Variants in DENND1A observed in about 807,000 individuals in gnomAD.
DENND1A encodes the protein DENN domain containing 1A, also known as DENN domain-containing protein 1A.
DENND1A carries 51 observed loss-of-function variants against 113.7 expected under a neutral mutation model. The ratio of observed to expected loss-of-function variants is 0.45; its 90% CI spans 0.36 to 0.57. DENND1A has a LOEUF of 0.57. Among genes scored for constraint, DENND1A ranks in the 20% least tolerant of loss-of-function variants. The pLI is 0.00. For synonymous variants in DENND1A, 565 were observed against 570.8 expected, an observed-to-expected ratio of 0.99 and a Z score of 0.14; for missense variants, 1,258 against 1,395.9, an observed-to-expected ratio of 0.90 and a Z score of 1.57.
At chr9:123,707,123 G>A (rs1220959822) in intron 5 of DENND1A, among the ~76,000 whole-genome samples, 1 of 152,130 alleles carries the variant, frequency 6.6e-6, no homozygotes, top group Non-Finnish European at 1.5e-5. Context: ...GGCCGGGCGC[G>A]GTGGCTCACG....
At chr9:123,661,826 T>C (rs1036346194) in intron 8 of DENND1A, among the ~76,000 whole-genome samples, 1 of 151,964 alleles carries the variant, frequency 6.6e-6, no homozygotes, top group African/African-American at 2.4e-5. Flanking sequence ...GATGGAAAGA[T>C]TTGCTGAAGA....
intron 12 of DENND1A, among the ~76,000 whole-genome samples, chr9:123,580,219 A>G (rs984936970): frequency 6.6e-6 from 1 of 152,176 alleles, no homozygotes; most frequent in African/African-American, 2.4e-5. Flanking sequence ...AAGAGGGAAA[A>G]TAACTCACCC....
intron 1 of DENND1A, among the ~76,000 whole-genome samples, chr9:123,891,909 C>A (rs574372217): frequency 6.6e-6 from 1 of 152,242 alleles, no homozygotes; most frequent in Non-Finnish European, 1.5e-5. Flanking sequence ...CCCTCTGATG[C>A]CCCAGCTCAC....
chr9:123,382,714 G>A (rs561185306), intron 23 of DENND1A, 89 bp from the exon 24 acceptor site: 44 of 1,373,068 alleles, frequency 3.2e-5, no homozygotes, highest in South Asian at 1.9e-4. Flanking sequence ...TGTGCTGAAT[G>A]TGTGCTGGGC....
intron 3 of DENND1A, among the ~76,000 whole-genome samples, chr9:123,774,477 G>C (rs1029288155): frequency 1.3e-5 from 2 of 152,082 alleles, no homozygotes; most frequent in Admixed American, 6.5e-5. Flanking sequence ...GTGAACACAG[G>C]AAATAAAATT....
At chr9:123,746,681 G>A (rs966572148) in intron 5 of DENND1A, among the ~76,000 whole-genome samples, 4 of 152,082 alleles carry the variant, frequency 2.6e-5, no homozygotes, top group South Asian at 2.1e-4. Flanking sequence ...TCTGAGGAAC[G>A]CACAAGTTCA....
intron 9 of DENND1A, among the ~76,000 whole-genome samples, chr9:123,632,923 AT>A (rs1246211878): frequency 6.6e-6 from 1 of 151,698 alleles, no homozygotes; most frequent in African/African-American, 2.4e-5. Flanking sequence ...TATTATTATT[AT>A]TGAGACAGGG....
At chr9:123,562,208 C>A (rs2057798499) in intron 12 of DENND1A, among the ~76,000 whole-genome samples, 1 of 152,190 alleles carries the variant, frequency 6.6e-6, no homozygotes, top group African/African-American at 2.4e-5. Context: ...CCTCCATCAG[C>A]CTCACTTCCA....
chr9:123,742,501 C>T (rs562699024), intron 5 of DENND1A, among the ~76,000 whole-genome samples: 14 of 152,286 alleles, frequency 9.2e-5, no homozygotes, highest in African/African-American at 2.9e-4. Flanking sequence ...CATGTTTCTG[C>T]TCAATTAAAA....
At chr9:123,899,017 A>G (rs576507230) in intron 1 of DENND1A, among the ~76,000 whole-genome samples, 28 of 152,312 alleles carry the variant, frequency 1.8e-4, no homozygotes, top group Admixed American at 1.4e-3. Context: ...GCATTCTACA[A>G]GGCTTAACTT....
intron 18 of DENND1A, among the ~76,000 whole-genome samples, chr9:123,449,906 T>C (rs2047583881): frequency 1.3e-5 from 2 of 151,982 alleles, no homozygotes; most frequent in East Asian, 3.9e-4. Context: ...GCTGCTCAGG[T>C]GATGGGTGCA....
rs201486306 is a variant in DENND1A, at chr9:123,457,777, C to T, written c.1098+16G>A. The T allele has an allele frequency of 1.1e-4, 183 of 1,598,642 alleles. 1 individual carries two copies. The African/African-American group carries it at 2.3e-3, about 21-fold the overall frequency. ...GCCAGGGAGCCAGACCCAGGCCAGA[C>T]CAGGGAGGGAGGCACCTGCTTGAAG... is the stretch of plus-strand genomic sequence containing the variant. On this transcript the variant is annotated intron_variant, in intron 14 of 23. Coordinates refer to ENST00000394215, the MANE Select transcript of DENND1A (RefSeq NM_001352964.2).
chr9:123,469,657 A>T (rs1167649407), intron 13 of DENND1A, among the ~76,000 whole-genome samples: 1 of 152,244 alleles, frequency 6.6e-6, no homozygotes, highest in East Asian at 1.9e-4. Flanking sequence ...TTCCCATAAG[A>T]AATGCAGATG....
intron 5 of DENND1A, among the ~76,000 whole-genome samples, chr9:123,686,495 T>C (rs2064819356): frequency 6.6e-6 from 1 of 152,230 alleles, no homozygotes; most frequent in East Asian, 1.9e-4. Context: ...TTCTGAGCAA[T>C]CTAACTCTGG....
intron 13 of DENND1A, among the ~76,000 whole-genome samples, chr9:123,489,024 C>T (rs901519197): frequency 6.6e-6 from 1 of 152,128 alleles, no homozygotes; most frequent in African/African-American, 2.4e-5. Context: ...TAAAGATTTC[C>T]CCTCTGCCCT....
intron 13 of DENND1A, among the ~76,000 whole-genome samples, chr9:123,471,316 C>T (rs113496444): frequency 6.6e-6 from 1 of 152,290 alleles, no homozygotes; most frequent in African/African-American, 2.4e-5. Context: ...GGAGCTACTT[C>T]CTACTTCACA....
chr9:123,898,894 G>T (rs907325602), intron 1 of DENND1A, among the ~76,000 whole-genome samples: 1 of 152,134 alleles, frequency 6.6e-6, no homozygotes, highest in African/African-American at 2.4e-5. Flanking sequence ...TGCTTTAGAT[G>T]AATGAATAAA....
intron 13 of DENND1A, among the ~76,000 whole-genome samples, chr9:123,462,769 C>T (rs2048634435): frequency 6.6e-6 from 1 of 152,136 alleles, no homozygotes; most frequent in South Asian, 2.1e-4. Context: ...TGCACTCCAG[C>T]CTGGGCAACA....
intron 20 of DENND1A, among the ~76,000 whole-genome samples, chr9:123,407,180 A>C (rs1479680532): frequency 6.8e-6 from 1 of 147,086 alleles, no homozygotes; most frequent in Non-Finnish European, 1.5e-5. Context: ...GGGGGTGGGG[A>C]GCACGGAGCT....
Sources: gnomAD v4.1 joint callset for allele counts (sites outside exome capture counted in the v4.1 genomes callset) on GRCh38, gnomAD v4.1.1 for gene constraint, MANE v1.5 for transcripts, NCBI Gene and HGNC (gene_info 2026-07-23, HGNC 2026-07-21) for gene names.